PRMT7: variants seen among roughly 807,000 people sequenced by gnomAD.
PRMT7 encodes the protein protein arginine N-methyltransferase 7.
PRMT7 carries 75 observed loss-of-function variants against 85.4 expected under a neutral mutation model. The ratio of observed to expected loss-of-function variants is 0.88; its 90% CI spans 0.73 to 1.06. The LOEUF is 1.06. PRMT7 is among the 50% of genes least tolerant of loss of function. The pLI is 0.00. For missense variants in PRMT7, 868 were observed against 915.2 expected (o/e 0.95, Z 0.67); for synonymous variants, 397 against 359.5 (o/e 1.10, Z -1.18).
At chr16:68,347,582 T>C (rs986159589) in intron 12 of PRMT7, 49 bp from the exon 13 acceptor site, 3 of 1,571,146 alleles carry the variant, frequency 1.9e-6, no homozygotes, top group Non-Finnish European at 2.6e-6. Flanking sequence ...TTTAATTTCT[T>C]CTCTGTTAAG....
At chr16:68,314,079 A>G (rs1163284486) in intron 2 of PRMT7, among the ~76,000 whole-genome samples, 2 of 152,208 alleles carry the variant, frequency 1.3e-5, no homozygotes, top group Admixed American at 1.3e-4. Context: ...TATATTTCTT[A>G]CTGGGGTTAT....
intron 6 of PRMT7, among the ~76,000 whole-genome samples, chr16:68,336,668 A>G (rs2084736974): frequency 6.6e-6 from 1 of 152,202 alleles, no homozygotes; most frequent in Admixed American, 6.5e-5. Flanking sequence ...AAAAGTTTTC[A>G]TAAGTTTGAT....
chr16:68,350,535 C>T lies in PRMT7; in HGVS notation c.1414-1713C>T, dbSNP rs751279961. Among the ~76,000 whole-genome samples the T allele has an allele frequency of 1.4e-4, 21 of 152,026 alleles. 1 individual carries two copies. Among genetic ancestry groups the T allele is most frequent in the Non-Finnish European group, 2.5e-4 (17 of 68,016 alleles). On this transcript the variant is annotated intron_variant, in intron 14 of 18. Coordinates refer to ENST00000441236, the MANE Select transcript of PRMT7 (RefSeq NM_019023.5). ...TGACTGATGATGGTGAACATCATTT[C>T]GTGTGCTTGTCTTGCTTGGTGAAAT...
chr16:68,348,530 G>A lies in PRMT7; in HGVS notation c.1413+99G>A, dbSNP rs529144165. 7 of 927,642 alleles carry A rather than the reference G, an allele frequency of 7.5e-6. 1 individual carries two copies. In the Admixed American group the frequency reaches 1.5e-4, roughly 20 times the overall value. 57.5% of individuals were successfully genotyped at this position (927,642 alleles called of 1,614,324 possible). On this transcript the variant is annotated intron_variant, in intron 14 of 18. Transcript: ENST00000441236. ...CCCACCCTGTCCCTGGAGTCTCACAGTGGGTCCTCCACATGCAACCTTACC... is the reference window on the plus strand; with the variant it reads ...CCCACCCTGTCCCTGGAGTCTCACAATGGGTCCTCCACATGCAACCTTACC...
Position 68,346,562 on chromosome 16 carries a change from C to T in PRMT7, c.1191+282C>T, listed in dbSNP as rs139276619. 9.2e-4 allele frequency among the ~76,000 whole-genome samples: 93 copies of T among 100,740 alleles called. No individual in the cohort carries two copies. The East Asian group carries it at 0.027, about 29-fold the overall frequency. The allele number at this position is 100,740 out of a possible 152,430, so 66.1% of individuals were successfully genotyped here. A position where few individuals can be genotyped will look rare whatever the true frequency, so the allele number is the denominator to read the frequency against. On this transcript the variant is annotated intron_variant, in intron 11 of 18. Coordinates refer to ENST00000441236, the MANE Select transcript of PRMT7 (RefSeq NM_019023.5). The stretch of plus-strand genomic sequence containing the variant: ...ACACAGTCATTGCTGTGGGTGGTCA[C>T]GGTGGATTAGGCCACCCCCTCTTTT...
At chr16:68,360,040 T>TGCCTCCTA (rs1811455319), downstream of PRMT7, 1 of 153,068 alleles carries the variant, frequency 6.5e-6, no homozygotes, top group Admixed American at 6.5e-5. Flanking sequence ...CTTGGCTTCC[T>TGCCTCCTA]GCCTCCTAGG....
At chr16:68,311,907 ACT>A (rs1275637597) in intron 1 of PRMT7, 133 bp from the exon 2 acceptor site, 2 of 151,668 alleles carry the variant, frequency 1.3e-5, no homozygotes, top group Admixed American at 6.6e-5. Context: ...AATTTGTATT[ACT>A]CTCTCATTAG....
Position 68,311,060 on chromosome 16 carries a change from G to A in PRMT7, c.-258G>A. On this transcript the variant is annotated 5_prime_UTR_variant, in exon 1 of 19. It adds an upstream start codon to the 5' untranslated region. Coordinates refer to ENST00000441236, the MANE Select transcript of PRMT7 (RefSeq NM_019023.5). The stretch of plus-strand genomic sequence containing the variant: ...GCCCCGCGTGCTGGCCGCGGTAAAA[G>A]TGGTAGCAGCGGAGGCGAGCGGAGG... 1 of 845,252 alleles carries A rather than the reference G, an allele frequency of 1.2e-6. No homozygotes were observed. 52.4% of individuals were successfully genotyped at this position (845,252 alleles called of 1,614,324 possible).
At position 68,347,303 on chromosome 16, in the gene PRMT7, A is replaced by G. The variant is rs1597429430; in HGVS notation, c.1275+9A>G. On this transcript the variant is annotated intron_variant, in intron 12 of 18. Coordinates refer to ENST00000441236, the MANE Select transcript of PRMT7 (RefSeq NM_019023.5). ...ACCTGGGGGTGGAGCAGGTACTGAC[A>G]TGCACCCTTGTCAGCCTCCTGATGT... 2.0e-6 allele frequency: 3 copies of G among 1,531,022 alleles called. No individual in the cohort carries two copies. Among genetic ancestry groups the G allele is most frequent in the South Asian group, 2.4e-5 (2 of 82,856 alleles). The allele number at this position is 1,531,022 out of a possible 1,614,324, so 94.8% of individuals were successfully genotyped here.
At chr16:68,349,064 C>T (rs771549289) in intron 14 of PRMT7, among the ~76,000 whole-genome samples, 7 of 152,180 alleles carry the variant, frequency 4.6e-5, no homozygotes, top group Non-Finnish European at 7.3e-5. Context: ...TCCCCGTCCA[C>T]GGCTTCCTGC....
chr16:68,350,538 G>T (rs1254432838), intron 14 of PRMT7, among the ~76,000 whole-genome samples: 2 of 151,966 alleles, frequency 1.3e-5, no homozygotes, highest in African/African-American at 4.8e-5. Flanking sequence ...ATCATTTCGT[G>T]TGCTTGTCTT....
intron 6 of PRMT7, among the ~76,000 whole-genome samples, chr16:68,331,469 C>G (rs868180907): frequency 5.2e-5 from 6 of 114,550 alleles, no homozygotes; most frequent in Non-Finnish European, 9.2e-5. Flanking sequence ...CTTTGTTGTT[C>G]TTTTTTTTTT....
intron 5 of PRMT7, among the ~76,000 whole-genome samples, chr16:68,327,383 T>G (rs1463368744): frequency 6.6e-6 from 1 of 152,094 alleles, no homozygotes; most frequent in Non-Finnish European, 1.5e-5. Flanking sequence ...TGGAGGTGCT[T>G]ATTTATGTTC....
chr16:68,350,214 T>A (rs1430574629), intron 14 of PRMT7, among the ~76,000 whole-genome samples: 1 of 152,254 alleles, frequency 6.6e-6, no homozygotes, highest in East Asian at 1.9e-4. Context: ...CCACTTTGAA[T>A]AAGGCTTCTG....
At position 68,357,050 on chromosome 16, in the gene PRMT7, A is replaced by C; in HGVS notation, c.1909-4A>C. 6.2e-7 allele frequency: 1 copy of C among 1,603,100 alleles called. No individual in the cohort carries two copies. The highest frequency in any genetic ancestry group is 8.5e-7 in the Non-Finnish European group (1 of 1,174,236). On this transcript the variant is annotated splice_polypyrimidine_tract_variant and splice_region_variant and intron_variant, in intron 18 of 18. Coordinates refer to ENST00000441236, the MANE Select transcript of PRMT7 (RefSeq NM_019023.5). ...TCACCATCTTCCTGCTCTTCTTCCT[A>C]CAGGGGGGCTGCTGCTGGAACCCCC...
intron 2 of PRMT7, among the ~76,000 whole-genome samples, chr16:68,314,068 G>A (rs980088019): frequency 6.6e-6 from 1 of 152,212 alleles, no homozygotes; most frequent in Non-Finnish European, 1.5e-5. Flanking sequence ...TCATTTTAAA[G>A]TATATTTCTT....
intron 14 of PRMT7, among the ~76,000 whole-genome samples, chr16:68,349,192 G>A (rs1423755062): frequency 1.3e-5 from 2 of 152,088 alleles, no homozygotes; most frequent in African/African-American, 4.8e-5. Flanking sequence ...CGGGACTTCT[G>A]CCTGTGCTGG....
intron 3 of PRMT7, among the ~76,000 whole-genome samples, chr16:68,319,315 G>A (rs551209355): frequency 1.3e-5 from 2 of 152,268 alleles, no homozygotes; most frequent in East Asian, 3.9e-4. Flanking sequence ...AGAAGGGCAA[G>A]GGAGATAGCC....
At chr16:68,348,227 C>A in intron 13 of PRMT7, 115 bp from the exon 14 acceptor site, 1 of 881,606 alleles carries the variant, frequency 1.1e-6, no homozygotes, top group Non-Finnish European at 1.8e-6. Context: ...AGTGGTGTTC[C>A]AGAACCATTT....
Sources: allele counts gnomAD v4.1 joint callset (sites outside exome capture counted in the v4.1 genomes callset), GRCh38; gene constraint gnomAD v4.1.1; transcripts MANE v1.5; gene names NCBI Gene and HGNC (gene_info 2026-07-23, HGNC 2026-07-21).